Variants in SLC25A48 observed in about 807,000 individuals in gnomAD.
SLC25A48 encodes the protein CTC-321K16.1.
SLC25A48 carries 29 observed loss-of-function variants against 32.2 expected under a neutral mutation model. That is an observed-to-expected ratio of 0.90 (90% CI 0.67 to 1.23). The LOEUF (loss-of-function observed/expected upper bound fraction) is 1.23. Ranked by LOEUF, SLC25A48 falls within the 50% of genes most tolerant of loss-of-function variation. The pLI is 0.00. For missense variants in SLC25A48, 399 were observed against 422.7 expected (o/e 0.94, Z 0.49); for synonymous variants, 164 against 172.3 (o/e 0.95, Z 0.38).
At chr5:135,644,980 G>T (rs1752925357) in intron 3 of SLC25A48, among the ~76,000 whole-genome samples, 1 of 152,130 alleles carries the variant, frequency 6.6e-6, no homozygotes. Flanking sequence ...TCTTGTATTT[G>T]AAGGCAAGGG....
chr5:135,714,735 C>G (rs945761263), intron 3 of SLC25A48: 4 of 152,300 alleles, frequency 2.6e-5, no homozygotes, highest in African/African-American at 9.6e-5. Flanking sequence ...CAGCCCGACC[C>G]TGGGAGACAG....
chr5:135,883,217 C>T, intron 7 of SLC25A48: 1 of 985,476 alleles, frequency 1.0e-6, no homozygotes, highest in Non-Finnish European at 1.2e-6. Flanking sequence ...ATTCTCATCC[C>T]CACCCCGGCT....
chr5:135,884,362 C>T (rs1173896092), intron 7 of SLC25A48, among the ~76,000 whole-genome samples: 3 of 152,192 alleles, frequency 2.0e-5, no homozygotes, highest in East Asian at 1.9e-4. Flanking sequence ...CCTCAGCATG[C>T]CCTCCTCAAT....
intron 1 of SLC25A48, among the ~76,000 whole-genome samples, chr5:135,605,441 T>A (rs549568862): frequency 6.6e-6 from 1 of 152,330 alleles, no homozygotes; most frequent in South Asian, 2.1e-4. Flanking sequence ...ACAGTGAGGA[T>A]GCTTGGGGAG....
intron 4 of SLC25A48, among the ~76,000 whole-genome samples, chr5:135,821,498 C>T (rs927743760): frequency 6.6e-6 from 1 of 152,170 alleles, no homozygotes; most frequent in African/African-American, 2.4e-5. Flanking sequence ...CCTTCCTGAC[C>T]ATCTACTGGA....
At chr5:135,780,160 C>CTTTTTTTTTTT (rs34277772) in intron 3 of SLC25A48, among the ~76,000 whole-genome samples, 1 of 38,796 alleles carries the variant, frequency 2.6e-5, no homozygotes, top group African/African-American at 6.0e-5. Flanking sequence ...GTTTCTTCGT[C>CTTTTTTTTTTT]TTTTTTTTTT....
upstream of SLC25A48, among the ~76,000 whole-genome samples, chr5:135,833,107 C>G (rs7703728): frequency 2.0e-5 from 3 of 152,342 alleles, no homozygotes; most frequent in African/African-American, 7.2e-5. Context: ...TGCTGGTAAA[C>G]CTAGGGTCCT....
chr5:135,804,490 A>G (rs1195374103), intron 3 of SLC25A48, among the ~76,000 whole-genome samples: 2 of 151,710 alleles, frequency 1.3e-5, no homozygotes, highest in Non-Finnish European at 3.0e-5. Flanking sequence ...AATACATCTA[A>G]TATCATAGAG....
At chr5:135,600,518 C>T (rs1561752751) in intron 1 of SLC25A48, among the ~76,000 whole-genome samples, 1 of 152,148 alleles carries the variant, frequency 6.6e-6, no homozygotes, top group Admixed American at 6.5e-5. Flanking sequence ...TAACCTTCCT[C>T]GGGCTCCTAC....
In SLC25A48 at chr5:135,851,951, T is replaced by C. The variant is rs188823669; in HGVS notation, c.163-612T>C. ...CACTTCTGTCAGAAGACACCCATGC[T>C]CATGGGCACTCATCTAGAGGCTGGC... is the stretch of plus-strand genomic sequence containing the variant. On this transcript the variant is annotated intron_variant, in intron 3 of 7. Coordinates refer to ENST00000681962, the MANE Select transcript of SLC25A48 (RefSeq NM_001349336.2). 1.4e-4 allele frequency among the ~76,000 whole-genome samples: 21 copies of C among 152,250 alleles called. No individual in the cohort carries two copies. In the East Asian group the frequency reaches 3.7e-3, roughly 27 times the overall value.
At chr5:135,667,242 G>T (rs1580768927) in intron 3 of SLC25A48, among the ~76,000 whole-genome samples, 1 of 152,138 alleles carries the variant, frequency 6.6e-6, no homozygotes, top group African/African-American at 2.4e-5. Context: ...ATTGTGAAAT[G>T]GGATATACAA....
intron 3 of SLC25A48, among the ~76,000 whole-genome samples, chr5:135,769,263 G>T (rs1388379753): frequency 1.4e-5 from 2 of 142,038 alleles, no homozygotes; most frequent in African/African-American, 5.3e-5. Context: ...CAATATTGGG[G>T]GGGGAGAATG....
upstream of SLC25A48, among the ~76,000 whole-genome samples, chr5:135,830,562 G>T (rs1758178606): frequency 6.6e-6 from 1 of 152,218 alleles, no homozygotes; most frequent in African/African-American, 2.4e-5. Flanking sequence ...TGATGGGCCA[G>T]ATTCAGTCTG....
At chr5:135,877,566 C>A (rs1762147939) in intron 6 of SLC25A48, among the ~76,000 whole-genome samples, 1 of 152,176 alleles carries the variant, frequency 6.6e-6, no homozygotes, top group Admixed American at 6.5e-5. Context: ...ATCCATCCAT[C>A]CATTCACTGA....
intron 4 of SLC25A48, among the ~76,000 whole-genome samples, chr5:135,813,542 CACTGGTGTTGTT>C (rs1285359637): frequency 2.0e-5 from 3 of 152,272 alleles, no homozygotes; most frequent in African/African-American, 7.2e-5. Context: ...CCTTGAGTAG[CACTGGTGTTGTT>C]ACTATGACCA....
chr5:135,797,991 G>A (rs1409663169), intron 3 of SLC25A48, among the ~76,000 whole-genome samples: 2 of 151,700 alleles, frequency 1.3e-5, no homozygotes, highest in Admixed American at 6.6e-5. Flanking sequence ...AAGAAAGGAT[G>A]ATATTACACC....
At chr5:135,747,552 G>A (rs1478792513) in intron 3 of SLC25A48, among the ~76,000 whole-genome samples, 1 of 151,952 alleles carries the variant, frequency 6.6e-6, no homozygotes, top group Non-Finnish European at 1.5e-5. Flanking sequence ...ATTTCTTCGG[G>A]GAGCCTTGGT....
intron 4 of SLC25A48, among the ~76,000 whole-genome samples, chr5:135,861,601 G>A (rs1487339448): frequency 6.6e-6 from 1 of 152,184 alleles, no homozygotes; most frequent in African/African-American, 2.4e-5. Flanking sequence ...ATCAGTAAAT[G>A]TATTATTTAA....
intron 1 of SLC25A48, among the ~76,000 whole-genome samples, chr5:135,588,452 C>G (rs111534473): frequency 2.3e-4 from 35 of 152,294 alleles, no homozygotes; most frequent in African/African-American, 7.9e-4. Context: ...CTGCTCTGTG[C>G]CGGGGTTGCA....
Sources: allele counts gnomAD v4.1 joint callset (sites outside exome capture counted in the v4.1 genomes callset), GRCh38; gene constraint gnomAD v4.1.1; transcripts MANE v1.5; gene names NCBI Gene and HGNC (gene_info 2026-07-23, HGNC 2026-07-21).